Variants in DNAH11 observed in about 807,000 individuals in gnomAD.
The protein encoded by DNAH11 is dynein axonemal heavy chain 11, also known as axonemal beta dynein heavy chain 11.
In DNAH11, 442 loss-of-function variants were observed where a neutral mutation model predicts 526.0. That is an observed-to-expected ratio of 0.84 (90% confidence interval 0.78 to 0.91). The LOEUF is 0.91. Ranked by LOEUF, DNAH11 falls within the 40% of genes least tolerant of loss-of-function variation. The pLI is 0.00. For synonymous variants in DNAH11, 2,461 were observed against 1,935.9 expected, an observed-to-expected ratio of 1.27 and a Z score of -7.12; for missense variants, 6,989 against 5,448.7, an observed-to-expected ratio of 1.28 and a Z score of -8.90.
intron 73 of DNAH11, among the ~76,000 whole-genome samples, chr7:21,871,306 G>C (rs771827255): frequency 1.3e-5 from 2 of 152,162 alleles, no homozygotes; most frequent in Non-Finnish European, 2.9e-5. Context: ...GCATTTCCAA[G>C]ACATATAGAT....
At position 21,901,439 on chromosome 7, in the gene DNAH11, G is replaced by C. The variant is rs1784840641; in HGVS notation, c.*185G>C. 15 of 782,050 alleles carry C rather than the reference G, an allele frequency of 1.9e-5. No homozygotes were observed. Among genetic ancestry groups the C allele is most frequent in the Non-Finnish European group, 2.7e-5 (15 of 563,710 alleles). The allele number at this position is 782,050 out of a possible 1,614,324, so 48.4% of individuals were successfully genotyped here. A position where few individuals can be genotyped will look rare whatever the true frequency, so the allele number is the denominator to read the frequency against. On this transcript the variant is annotated 3_prime_UTR_variant, in exon 82 of 82. Coordinates refer to ENST00000409508, the MANE Select transcript of DNAH11 (RefSeq NM_001277115.2). ...AGAAACTAACTCAGGGCTGAGCGTG[G>C]TGGCACACGACTGTAATCCCAGTTA...
At chr7:21,743,201 T>A (rs1261550499) in intron 49 of DNAH11, among the ~76,000 whole-genome samples, 2 of 152,234 alleles carry the variant, frequency 1.3e-5, no homozygotes, top group African/African-American at 4.8e-5. Flanking sequence ...CTCTTTAGAT[T>A]GAGTGAGTGA....
At chr7:21,645,898 T>C (rs1308108169) in intron 28 of DNAH11, among the ~76,000 whole-genome samples, 1 of 152,152 alleles carries the variant, frequency 6.6e-6, no homozygotes, top group Non-Finnish European at 1.5e-5. Flanking sequence ...CAAAATCTTC[T>C]TAAATTGGAC....
At chr7:21,880,575 C>G (rs376181450) in intron 74 of DNAH11, 127 bp from the exon 75 acceptor site, 1 of 884,888 alleles carries the variant, frequency 1.1e-6, no homozygotes, top group Non-Finnish European at 1.7e-6. Flanking sequence ...GGATAAGTAG[C>G]CATGCTGAAG....
At chr7:21,592,281 A>G (rs567433066) in intron 14 of DNAH11, among the ~76,000 whole-genome samples, 1 of 152,296 alleles carries the variant, frequency 6.6e-6, no homozygotes, top group South Asian at 2.1e-4. Context: ...GCTTGCGGGT[A>G]GGGTGGTTGG....
intron 55 of DNAH11, among the ~76,000 whole-genome samples, chr7:21,768,766 G>C (rs1400014418): frequency 2.0e-5 from 3 of 152,118 alleles, no homozygotes; most frequent in African/African-American, 4.8e-5. Flanking sequence ...TTATTTTACT[G>C]CTATATTTAA....
At position 21,710,565 on chromosome 7, in the gene DNAH11, T is replaced by C; in HGVS notation, c.6696T>C (p.Ser2232=). The C allele has an allele frequency of 6.2e-7, 1 of 1,609,304 alleles. No individual in the cohort carries two copies. The highest frequency in any genetic ancestry group is 8.5e-7 in the Non-Finnish European group (1 of 1,176,812). The change falls in exon 41 of 82, where the codon TCT becomes TCC. Residue 2232 remains serine (S), a synonymous_variant. Transcript: ENST00000409508. ...CATTATATATTAGGATTGTTTACTC[T>C]TATTTTATAGGTCTCTTCTCATCCA... ...REWKDGKIVY[S]YFIGLFSSIL...
intron 47 of DNAH11, among the ~76,000 whole-genome samples, 163 bp from the exon 48 acceptor site, chr7:21,739,408 C>G (rs549069885): frequency 2.6e-4 from 40 of 152,240 alleles, no homozygotes; most frequent in African/African-American, 9.4e-4. Context: ...GTTTTTTGAG[C>G]TTCAGTTTTG....
chr7:21,569,284 A>G (rs930671331), intron 6 of DNAH11, among the ~76,000 whole-genome samples: 3 of 152,214 alleles, frequency 2.0e-5, no homozygotes, highest in African/African-American at 7.2e-5. Flanking sequence ...AATTAAACCT[A>G]TAATTTATAT....
chr7:21,836,194 C>T (rs144996012), intron 65 of DNAH11, among the ~76,000 whole-genome samples: 10 of 152,020 alleles, frequency 6.6e-5, no homozygotes, highest in African/African-American at 2.2e-4. Flanking sequence ...TCTACACGTT[C>T]AATGTAATCC....
rs779202175 is a variant in DNAH11 at position 21,789,278 on chromosome 7, C to T, written c.9962C>T (p.Ala3321Val). ...GTGGAGCCAAAACGCCAAGCATTAG[C>T]CCAAGCAAACTTAGAACTGGCTGCA... is the stretch of plus-strand genomic sequence containing the variant. ...CDVEPKRQAL[A>V]QANLELAAAT... The change falls in exon 61 of 82, where the codon GCC becomes GTC. Residue 3321 changes from alanine (A) to valine (V), a missense_variant. Physicochemically the swap from Ala to Val is moderately conservative, Grantham distance 64. Transcript: ENST00000409508. The T allele has an allele frequency of 1.9e-6, 3 of 1,577,828 alleles. No homozygotes were observed. In the Admixed American group the frequency reaches 5.5e-5, roughly 29 times the overall value.
At chr7:21,808,103 A>G (rs1383412550) in intron 63 of DNAH11, 54 bp downstream of exon 63, 1 of 1,328,192 alleles carries the variant, frequency 7.5e-7, no homozygotes, top group African/African-American at 1.5e-5. Context: ...TTGAAATTTC[A>G]GTAGTAAAAC....
In DNAH11 at chr7:21,717,790, G is replaced by T. The variant is rs1189902593; in HGVS notation, c.6999G>T (p.Trp2333Cys). The change falls in exon 43 of 82, where the codon TGG becomes TGT. Residue 2333 changes from tryptophan to cysteine, a missense_variant. Trp to Cys is a radical substitution (Grantham distance 215). Transcript: ENST00000409508. The part of the protein sequence containing the change: ...DLGWNPYVAS[W>C]IDRRRHQSEK... Reference sequence around the variant, plus strand: ...TCCTTTTCAGGTATGTGGCCAGTTGGATAGACAGAAGGCGGCATCAATCAG... The same window carrying T: ...TCCTTTTCAGGTATGTGGCCAGTTGTATAGACAGAAGGCGGCATCAATCAG... 28 of 1,613,752 alleles carry T rather than the reference G, an allele frequency of 1.7e-5. No individual in the cohort carries two copies. In the East Asian group the frequency reaches 6.2e-4, roughly 36 times the overall value.
intron 71 of DNAH11, 59 bp downstream of exon 71, chr7:21,866,722 G>A: frequency 6.6e-7 from 1 of 1,504,248 alleles, no homozygotes; most frequent in Non-Finnish European, 8.9e-7. Context: ...AATGTAGTCT[G>A]AAGAGTTAGG....
intron 20 of DNAH11, among the ~76,000 whole-genome samples, chr7:21,611,203 C>T (rs904597925): frequency 6.6e-6 from 1 of 152,130 alleles, no homozygotes; most frequent in African/African-American, 2.4e-5. Flanking sequence ...AAAAGGAATA[C>T]CTTTCTCCTG....
rs1782682951 is a variant in DNAH11 at position 21,852,539 on chromosome 7, C to T, written c.10969C>T (p.Leu3657Phe). The T allele has an allele frequency of 6.2e-7, 1 of 1,613,140 alleles. No homozygotes were observed. Among genetic ancestry groups the T allele is most frequent in the African/African-American group, 1.3e-5 (1 of 74,848 alleles). The change falls in exon 67 of 82, where the codon CTT (leucine) becomes TTT (phenylalanine). Residue 3657 changes from leucine (L) to phenylalanine (F), a missense_variant. Physicochemically the swap from Leu to Phe is conservative, Grantham distance 22 (BLOSUM62 0). Coordinates refer to ENST00000409508, the MANE Select transcript of DNAH11 (RefSeq NM_001277115.2). ...TCTGGAAGACGATCTCCTTTTGCGC[C>T]TTTCTGCGGCAGAGGGAAGCTTTCT... ...KYLEDDLLLR[L>F]SAAEGSFLDD...
intron 49 of DNAH11, among the ~76,000 whole-genome samples, chr7:21,743,920 G>C (rs1786032200): frequency 1.3e-5 from 2 of 152,176 alleles, no homozygotes; most frequent in East Asian, 3.8e-4. Context: ...GTGAGTGCGT[G>C]TGAATCTAAG....
intron 28 of DNAH11, among the ~76,000 whole-genome samples, chr7:21,649,306 A>G (rs1047490187): frequency 1.3e-5 from 2 of 152,240 alleles, no homozygotes; most frequent in Non-Finnish European, 2.9e-5. Flanking sequence ...CTCAGCAGAA[A>G]TACATAGATG....
intron 5 of DNAH11, among the ~76,000 whole-genome samples, chr7:21,562,638 C>G (rs143533501): frequency 6.6e-6 from 1 of 152,108 alleles, no homozygotes; most frequent in African/African-American, 2.4e-5. Flanking sequence ...CTCAAAGACA[C>G]ACTTCAGGCA....
Sources: gnomAD v4.1 joint callset for allele counts (sites outside exome capture counted in the v4.1 genomes callset) on GRCh38, gnomAD v4.1.1 for gene constraint, MANE v1.5 for transcripts, NCBI Gene and HGNC (gene_info 2026-07-23, HGNC 2026-07-21) for gene names.